CREB5: variants seen among roughly 807,000 people sequenced by gnomAD.
CREB5 encodes cyclic AMP-responsive element-binding protein 5.
A neutral mutation model predicts 57.1 loss-of-function variants in CREB5; 19 were observed. The ratio of observed to expected loss-of-function variants is 0.33; its 90% confidence interval spans 0.23 to 0.49. The LOEUF (loss-of-function observed/expected upper bound fraction) is 0.49. Among genes scored for constraint, CREB5 ranks in the 20% least tolerant of loss-of-function variants. CREB5 has a pLI of 0.99. For synonymous variants in CREB5, 238 were observed against 238.3 expected, an observed-to-expected ratio of 1.00 and a Z score of 0.01; for missense variants, 579 against 671.6, an observed-to-expected ratio of 0.86 and a Z score of 1.52.
chr7:28,330,146 G>A (rs78774838), intron 1 of CREB5, among the ~76,000 whole-genome samples: 5,508 of 152,242 alleles, frequency 0.036, 163 homozygotes, highest in Non-Finnish European at 0.05. Flanking sequence ...AAACTGAAAA[G>A]TACAAATTCA....
intron 1 of CREB5, among the ~76,000 whole-genome samples, chr7:28,467,712 T>C (rs1457091095): frequency 6.6e-6 from 1 of 152,162 alleles, no homozygotes; most frequent in East Asian, 1.9e-4. Flanking sequence ...TTCCCTAGGA[T>C]GGATAACAGA....
At position 28,800,244 on chromosome 7, in the gene CREB5, A is replaced by ACTGAAGAAAGGGGATGTCTGAAGTACAT. The variant is rs1451362523; in HGVS notation, c.703-3942_703-3915dup. Among the ~76,000 whole-genome samples, 343 of 152,342 alleles carry ACTGAAGAAAGGGGATGTCTGAAGTACAT rather than the reference A, an allele frequency of 2.3e-3. 1 individual carries two copies. The highest frequency in any genetic ancestry group is 3.7e-3 in the Non-Finnish European group (250 of 68,020). On this transcript the variant is annotated intron_variant, in intron 7 of 10. Transcript: ENST00000357727. ...AGAAGTTTACTAAGGAGAAGGCTGG[A>ACTGAAGAAAGGGGATGTCTGAAGTACAT]CTGAAGAAAGGGGATGTCTGAAGTA...
At chr7:28,686,780 T>C (rs1296634182) in intron 5 of CREB5, among the ~76,000 whole-genome samples, 1 of 152,250 alleles carries the variant, frequency 6.6e-6, no homozygotes, top group East Asian at 1.9e-4. Context: ...GGCTTCAGAC[T>C]GCAATCTCTA....
chr7:28,776,518 GT>G (rs1416628282), intron 7 of CREB5, among the ~76,000 whole-genome samples: 2 of 152,108 alleles, frequency 1.3e-5, no homozygotes, highest in African/African-American at 2.4e-5. Context: ...AGGCAAGAGA[GT>G]TTTTTTAAAC....
intron 5 of CREB5, among the ~76,000 whole-genome samples, chr7:28,627,846 A>G (rs1301327948): frequency 6.6e-6 from 1 of 152,150 alleles, no homozygotes; most frequent in Non-Finnish European, 1.5e-5. Context: ...CTGAGTGTTC[A>G]GTAAATAAAA....
At chr7:28,394,062 C>A in intron 1 of CREB5, among the ~76,000 whole-genome samples, 1 of 86,138 alleles carries the variant, frequency 1.2e-5, no homozygotes, top group Admixed American at 1.9e-4. Flanking sequence ...TGGAGCAAGA[C>A]TCTGTCTCAA....
intron 4 of CREB5, among the ~76,000 whole-genome samples, chr7:28,542,250 C>G (rs984518344): frequency 2.0e-5 from 3 of 152,172 alleles, no homozygotes; most frequent in Non-Finnish European, 4.4e-5. Context: ...ACACAGTTAG[C>G]AAGTAGTGAA....
chr7:28,327,717 T>C (rs894176183), intron 1 of CREB5, among the ~76,000 whole-genome samples: 2 of 152,212 alleles, frequency 1.3e-5, no homozygotes, highest in African/African-American at 4.8e-5. Context: ...AAAAACATTC[T>C]TCTTCCTTTT....
At chr7:28,435,922 T>C (rs1044713929) in intron 1 of CREB5, among the ~76,000 whole-genome samples, 8 of 152,180 alleles carry the variant, frequency 5.3e-5, no homozygotes, top group Admixed American at 3.3e-4. Flanking sequence ...CATATATTTA[T>C]ATAAGAGGAT....
intron 4 of CREB5, among the ~76,000 whole-genome samples, chr7:28,561,152 T>C (rs1483895469): frequency 6.6e-6 from 1 of 152,170 alleles, no homozygotes; most frequent in Non-Finnish European, 1.5e-5. Flanking sequence ...ACTTTTTATT[T>C]TCTCTTGTTC....
At chr7:28,533,869 G>T (rs981570339) in intron 4 of CREB5, among the ~76,000 whole-genome samples, 34 of 151,140 alleles carry the variant, frequency 2.2e-4, no homozygotes, top group Admixed American at 1.6e-3. Context: ...TGCTACATAG[G>T]CTGGCTTAAC....
intron 4 of CREB5, among the ~76,000 whole-genome samples, chr7:28,547,521 G>A (rs891275678): frequency 6.6e-6 from 1 of 152,124 alleles, no homozygotes; most frequent in African/African-American, 2.4e-5. Context: ...ATGCCTCCAA[G>A]TGAGGCATTA....
intron 4 of CREB5, among the ~76,000 whole-genome samples, chr7:28,555,129 A>G (rs994250934): frequency 8.3e-5 from 1 of 12,038 alleles, no homozygotes; most frequent in Non-Finnish European, 1.4e-4. Flanking sequence ...GTGTGTGTAA[A>G]TAAAAAGCTT....
intron 7 of CREB5, among the ~76,000 whole-genome samples, chr7:28,753,105 T>C (rs528645955): frequency 6.6e-6 from 1 of 152,252 alleles, no homozygotes; most frequent in South Asian, 2.1e-4. Flanking sequence ...AAAGAATCTG[T>C]CCTAAGAAAA....
intron 7 of CREB5, among the ~76,000 whole-genome samples, chr7:28,752,570 T>TACTG (rs1805047355): frequency 6.6e-6 from 1 of 152,246 alleles, no homozygotes; most frequent in East Asian, 1.9e-4. Flanking sequence ...ATGAAATAAG[T>TACTG]ACTGATGTAT....
At chr7:28,558,957 G>C (rs755650124) in intron 4 of CREB5, among the ~76,000 whole-genome samples, 2 of 152,170 alleles carry the variant, frequency 1.3e-5, no homozygotes, top group East Asian at 3.9e-4. Flanking sequence ...TGCACCGCCA[G>C]ACTAGATTTG....
intron 5 of CREB5, chr7:28,685,940 A>G: frequency 1.9e-6 from 1 of 535,428 alleles, no homozygotes; most frequent in Non-Finnish European, 3.3e-6. Flanking sequence ...ACTAGCACTG[A>G]GCTAAAAAGG....
intron 4 of CREB5, among the ~76,000 whole-genome samples, chr7:28,560,878 G>C (rs1795129422): frequency 2.5e-5 from 1 of 40,602 alleles, no homozygotes; most frequent in Non-Finnish European, 4.0e-5. Flanking sequence ...GCGTGCGCGT[G>C]CGTGCGTGCG....
At chr7:28,305,738 T>G (rs1240091307) in intron 1 of CREB5, among the ~76,000 whole-genome samples, 2 of 151,348 alleles carry the variant, frequency 1.3e-5, no homozygotes, top group African/African-American at 4.9e-5. Flanking sequence ...TTTTTTAAAC[T>G]TCATTATTTC....
Sources: allele counts gnomAD v4.1 joint callset (sites outside exome capture counted in the v4.1 genomes callset), GRCh38; gene constraint gnomAD v4.1.1; transcripts MANE v1.5; gene names NCBI Gene and HGNC (gene_info 2026-07-23, HGNC 2026-07-21).